The following RASA3 variants were observed in gnomAD, a reference collection of about 807,000 sequenced individuals.
RASA3 encodes ras GTPase-activating protein 3.
A neutral mutation model predicts 110.0 loss-of-function variants in RASA3; 73 were observed. That is an observed-to-expected ratio of 0.66 (90% CI 0.55 to 0.81). The LOEUF (loss-of-function observed/expected upper bound fraction) is 0.81. Ranked by LOEUF, RASA3 falls within the 30% of genes least tolerant of loss-of-function variation. The probability of loss-of-function intolerance (pLI) is 0.00; values close to 1 mark genes in which losing one functional copy is unlikely to be tolerated. For synonymous variants in RASA3, 500 were observed against 451.4 expected (o/e 1.11, Z -1.37); for missense variants, 976 against 1,113.2 (o/e 0.88, Z 1.75).
At chr13:114,124,616 C>G (rs2080421163) in intron 1 of RASA3, among the ~76,000 whole-genome samples, 1 of 152,226 alleles carries the variant, frequency 6.6e-6, no homozygotes, top group Non-Finnish European at 1.5e-5. Flanking sequence ...TGTGCCAGAG[C>G]CTCCCAGACA....
At chr13:114,036,691 C>T (rs1295305735) in intron 4 of RASA3, among the ~76,000 whole-genome samples, 1 of 152,214 alleles carries the variant, frequency 6.6e-6, no homozygotes, top group Non-Finnish European at 1.5e-5. Flanking sequence ...GCATGCGCCA[C>T]CACGCCCGGC....
intron 14 of RASA3, among the ~76,000 whole-genome samples, chr13:114,013,685 C>CTT (rs2139264060): frequency 1.1e-5 from 1 of 88,950 alleles, no homozygotes; most frequent in South Asian, 4.6e-4. Context: ...TGTCTCTCTC[C>CTT]CTATCTCTGT....
rs113848366 is a variant in RASA3, at chr13:113,996,391, C to T, written c.2141+140G>A. 1,021 of 870,440 alleles carry T rather than the reference C, an allele frequency of 1.2e-3. 5 individuals are homozygous for T. The African/African-American group carries it at 0.014, about 12-fold the overall frequency. 53.9% of individuals were successfully genotyped at this position (870,440 alleles called of 1,614,324 possible). On this transcript the variant is annotated intron_variant, in intron 21 of 23. Coordinates refer to ENST00000334062, the MANE Select transcript of RASA3 (RefSeq NM_007368.4). Reference sequence around the variant, plus strand: ...GAGGGAGGACCCCTCGGGTGGGAGGCTCCTGGGAGGAGGCGAGGGCAGCCC... The same window carrying T: ...GAGGGAGGACCCCTCGGGTGGGAGGTTCCTGGGAGGAGGCGAGGGCAGCCC...
intron 20 of RASA3, among the ~76,000 whole-genome samples, chr13:113,997,233 G>A (rs763495723): frequency 2.1e-4 from 32 of 152,248 alleles, no homozygotes; most frequent in Middle Eastern, 3.4e-3. Context: ...GGGGTTAGGG[G>A]GCTGCTTCCT....
intron 3 of RASA3, among the ~76,000 whole-genome samples, chr13:114,050,829 C>G (rs1458916414): frequency 6.6e-6 from 1 of 152,246 alleles, no homozygotes; most frequent in Non-Finnish European, 1.5e-5. Context: ...TTAGGACACT[C>G]AAGCTCTGAG....
intron 2 of RASA3, among the ~76,000 whole-genome samples, chr13:114,055,572 T>C (rs1012105510): frequency 1.3e-5 from 2 of 152,190 alleles, no homozygotes; most frequent in Admixed American, 6.5e-5. Flanking sequence ...GGACAAGCGT[T>C]AACAATTAAT....
At chr13:114,017,202 C>T (rs954062871) in intron 12 of RASA3, 35 bp downstream of exon 12, 6 of 1,572,856 alleles carry the variant, frequency 3.8e-6, no homozygotes, top group South Asian at 1.1e-5. Flanking sequence ...CTCCCCACGC[C>T]TCGTGAGGCT....
intron 7 of RASA3, among the ~76,000 whole-genome samples, chr13:114,025,285 A>C (rs1317883097): frequency 6.6e-6 from 1 of 152,214 alleles, no homozygotes; most frequent in Non-Finnish European, 1.5e-5. Flanking sequence ...ACGCAGGGGC[A>C]GTTCTCTGCT....
At chr13:114,063,209 TA>T (rs1378870057) in intron 2 of RASA3, among the ~76,000 whole-genome samples, 1 of 151,954 alleles carries the variant, frequency 6.6e-6, no homozygotes, top group Non-Finnish European at 1.5e-5. Flanking sequence ...TTTAAATACG[TA>T]AAAAAATCAG....
chr13:114,024,304 C>T lies in RASA3; in HGVS notation c.655G>A (p.Glu219Lys). 6.2e-7 allele frequency: 1 copy of T among 1,614,086 alleles called. No individual in the cohort carries two copies. Among genetic ancestry groups the T allele is most frequent in the Non-Finnish European group, 8.5e-7 (1 of 1,179,990 alleles). The change falls in exon 8 of 24, where the codon GAA (glutamate) becomes AAA (lysine). Residue 219 changes from glutamate to lysine, a missense_variant. Glu to Lys is a moderately conservative substitution (Grantham distance 56, BLOSUM62 1). Around this residue, in one of 4 missense-constraint regions of RASA3, gnomAD observed 732 missense variants for 779.7 expected, o/e 0.94. Transcript: ENST00000334062. ...SKKSHFDFEE[E>K]DVDKLEIRVD... is the part of the protein sequence containing the mutation. ...CTGATTTCGAGCTTGTCCACGTCTT[C>T]CTCCTCAAAGTCAAAGTGGGACTTC...
chr13:114,097,065 T>C lies in RASA3; in HGVS notation c.56-23228A>G, dbSNP rs981814102. 7.2e-5 allele frequency among the ~76,000 whole-genome samples: 11 copies of C among 152,296 alleles called. No homozygotes were observed. The South Asian group carries it at 2.1e-3, about 29-fold the overall frequency. ...GTGTTCATGGCGTCACAGTTGTCAC[T>C]GAGGCTGTGGCACTTCCCCTTCCAC... is the stretch of plus-strand genomic sequence containing the variant. On this transcript the variant is annotated intron_variant, in intron 1 of 23. Transcript: ENST00000334062.
At chr13:114,071,544 T>A (rs1277673723) in intron 2 of RASA3, among the ~76,000 whole-genome samples, 1 of 152,204 alleles carries the variant, frequency 6.6e-6, no homozygotes, top group African/African-American at 2.4e-5. Context: ...TCTGAAGGGC[T>A]CGGTCTCTTC....
chr13:114,120,108 G>T (rs1243559904), intron 1 of RASA3, among the ~76,000 whole-genome samples: 2 of 23,504 alleles, frequency 8.5e-5, no homozygotes, highest in Non-Finnish European at 1.8e-4. Flanking sequence ...GTCGATCAGG[G>T]CCCCCCTCCC....
At position 114,072,436 on chromosome 13, in the gene RASA3, C is replaced by A. The variant is rs150394999; in HGVS notation, c.173+1284G>T. The stretch of plus-strand genomic sequence containing the variant: ...CTCTTCCTCAAATCATATCAATAAA[C>A]ACTTTCTAGGCCTCTTACCTCAGTT... On this transcript the variant is annotated intron_variant, in intron 2 of 23. Coordinates refer to ENST00000334062, the MANE Select transcript of RASA3 (RefSeq NM_007368.4). Among the ~76,000 whole-genome samples the A allele has an allele frequency of 3.7e-4, 57 of 152,314 alleles. 1 individual carries two copies. The East Asian group carries it at 9.8e-3, about 26-fold the overall frequency.
intron 2 of RASA3, among the ~76,000 whole-genome samples, chr13:114,060,582 G>T (rs2079321613): frequency 6.6e-6 from 1 of 152,238 alleles, no homozygotes; most frequent in Admixed American, 6.5e-5. Context: ...AAGCCAGAGG[G>T]GCTCCTGCAG....
chr13:114,120,560 C>T lies in RASA3; in HGVS notation c.55+11875G>A, dbSNP rs150946875. Reference sequence around the variant, plus strand: ...CCCCTCCCTCTCTCCAGCCAGGCGTCGATCAGGGCCCTCCCTCCTCTCTCC... The same window carrying T: ...CCCCTCCCTCTCTCCAGCCAGGCGTTGATCAGGGCCCTCCCTCCTCTCTCC... On this transcript the variant is annotated intron_variant, in intron 1 of 23. Coordinates refer to ENST00000334062, the MANE Select transcript of RASA3 (RefSeq NM_007368.4). Among the ~76,000 whole-genome samples the T allele has an allele frequency of 8.2e-5, 10 of 122,020 alleles. No homozygotes were observed. In the South Asian group the frequency reaches 2.6e-3, roughly 31 times the overall value. The allele number at this position is 122,020 out of a possible 152,430, so 80.0% of individuals were successfully genotyped here.
At chr13:113,981,435 G>T (rs563410907) in intron 23 of RASA3, among the ~76,000 whole-genome samples, 3 of 152,196 alleles carry the variant, frequency 2.0e-5, no homozygotes, top group Non-Finnish European at 4.4e-5. Flanking sequence ...GAGGCAGCCC[G>T]GACGCTGGCT....
At chr13:114,075,609 C>A (rs1213947663) in intron 1 of RASA3, among the ~76,000 whole-genome samples, 1 of 53,682 alleles carries the variant, frequency 1.9e-5, no homozygotes, top group Non-Finnish European at 3.0e-5. Flanking sequence ...AGGACGAAGC[C>A]TCCCGTGTCC....
In RASA3 at chr13:114,114,305, T is replaced by C. The variant is rs1387913347; in HGVS notation, c.55+18130A>G. ...GAATTTCCTCCTGTCACACGCTAACTTTCTGTTCTGGATTTCCTGGGGTTT... is the reference window on the plus strand; with the variant it reads ...GAATTTCCTCCTGTCACACGCTAACCTTCTGTTCTGGATTTCCTGGGGTTT... On this transcript the variant is annotated intron_variant, in intron 1 of 23. Coordinates refer to ENST00000334062, the MANE Select transcript of RASA3 (RefSeq NM_007368.4). This position sits in a 1 kb window ranked among gnomAD's most constrained non-coding sequence, Gnocchi z 4.8. Among the ~76,000 whole-genome samples the C allele has an allele frequency of 2.0e-5, 3 of 152,240 alleles. No individual in the cohort carries two copies. The highest frequency in any genetic ancestry group is 2.9e-5 in the Non-Finnish European group (2 of 68,034).
Sources: allele counts gnomAD v4.1 joint callset (sites outside exome capture counted in the v4.1 genomes callset), GRCh38; gene constraint gnomAD v4.1.1; regional missense constraint gnomAD v4.1.1; non-coding constraint Gnocchi (gnomAD v3.1); transcripts MANE v1.5; gene names NCBI Gene and HGNC (gene_info 2026-07-23, HGNC 2026-07-21).